Variants in TRPM2 observed in about 807,000 individuals in gnomAD.
TRPM2 encodes the protein estrogen-responsive element-associated gene 1 protein.
Under a neutral mutation model 174.0 loss-of-function variants are expected in TRPM2, and 161 were observed. The observed-to-expected ratio is 0.93, with a 90% CI of 0.81 to 1.05. The LOEUF (loss-of-function observed/expected upper bound fraction) is 1.05. Ranked by LOEUF, TRPM2 falls within the 50% of genes least tolerant of loss-of-function variation. The probability of loss-of-function intolerance (pLI) is 0.00; values close to 1 mark genes in which losing one functional copy is unlikely to be tolerated. For missense variants in TRPM2, 2,057 were observed against 2,038.0 expected, an observed-to-expected ratio of 1.01 and a Z score of -0.18; for synonymous variants, 954 against 861.3, an observed-to-expected ratio of 1.11 and a Z score of -1.88.
chr21:44,362,455 TG>T (rs2048242084), intron 2 of TRPM2, among the ~76,000 whole-genome samples: 1 of 148,994 alleles, frequency 6.7e-6, no homozygotes, highest in Admixed American at 6.7e-5. Flanking sequence ...GAGCTTGCAG[TG>T]AGCAAAGATC....
intron 27 of TRPM2, among the ~76,000 whole-genome samples, chr21:44,433,452 C>T (rs1371949706): frequency 2.0e-5 from 3 of 152,202 alleles, no homozygotes; most frequent in African/African-American, 7.2e-5. Context: ...CGAATTTGTC[C>T]GTGGCCTTGG....
intron 15 of TRPM2, 118 bp from the exon 16 acceptor site, chr21:44,401,563 T>C: frequency 2.0e-6 from 2 of 1,024,452 alleles, no homozygotes; most frequent in Admixed American, 2.1e-5. Flanking sequence ...TGAGTGCTTT[T>C]GCCTCTAAAA....
At chr21:44,433,995 G>T (rs998083022) in intron 27 of TRPM2, among the ~76,000 whole-genome samples, 4 of 152,166 alleles carry the variant, frequency 2.6e-5, no homozygotes, top group Non-Finnish European at 4.4e-5. Flanking sequence ...GGACGGTAGC[G>T]CAGGCCTGGC....
intron 8 of TRPM2, among the ~76,000 whole-genome samples, chr21:44,382,506 A>G (rs911876586): frequency 2.0e-5 from 3 of 152,054 alleles, no homozygotes; most frequent in Admixed American, 6.5e-5. Flanking sequence ...TGTGTTTTCC[A>G]CCCAACAGAC....
At position 44,397,810 on chromosome 21, in the gene TRPM2, G is replaced by A. The variant is rs937140515; in HGVS notation, c.1996G>A (p.Glu666Lys). ...SKILKELSKE[E>K]EDTDSSEEML... ...GATCCTGAAGGAACTGTCCAAGGAG[G>A]AGGAGGACACGGACAGCTCGGAGGA... The change falls in exon 13 of 32, where the codon GAG (glutamate) becomes AAG (lysine). Residue 666 changes from glutamate (E) to lysine (K), a missense_variant. Physicochemically the swap from Glu to Lys is moderately conservative, Grantham distance 56. Coordinates refer to ENST00000397928, the MANE Select transcript of TRPM2 (RefSeq NM_003307.4). The A allele has an allele frequency of 1.2e-6, 2 of 1,608,592 alleles. No individual in the cohort carries two copies. The highest frequency in any genetic ancestry group is 1.7e-4 in the Middle Eastern group (1 of 6,040).
chr21:44,414,299 C>T (rs1354494988), intron 20 of TRPM2, among the ~76,000 whole-genome samples: 1 of 152,212 alleles, frequency 6.6e-6, no homozygotes, highest in Non-Finnish European at 1.5e-5. Flanking sequence ...GTGGGTCTGT[C>T]CTTGTGGCTG....
chr21:44,369,176 G>A lies in TRPM2; in HGVS notation c.605-1G>A, dbSNP rs1292416135. Reference sequence around the variant, plus strand: ...CCTGCCCACCCGTGCTCCTTCCCCAGGGGCCTGGATCATCACAGGGGGGTC... The same window carrying A: ...CCTGCCCACCCGTGCTCCTTCCCCAAGGGCCTGGATCATCACAGGGGGGTC... On this transcript the variant is annotated splice_acceptor_variant, in intron 4 of 31. Transcript: ENST00000397928. LOFTEE classifies it high-confidence loss of function. The A allele has an allele frequency of 2.5e-6, 4 of 1,602,036 alleles. No individual in the cohort carries two copies. The Admixed American group carries it at 5.1e-5, about 20-fold the overall frequency.
At chr21:44,437,215 T>C (rs1424507532) in intron 29 of TRPM2, 48 bp downstream of exon 29, 1 of 1,494,706 alleles carries the variant, frequency 6.7e-7, no homozygotes, top group South Asian at 1.2e-5. Context: ...TGTCTGTGGG[T>C]CACTCGTCCA....
intron 25 of TRPM2, among the ~76,000 whole-genome samples, chr21:44,426,076 G>A (rs902362732): frequency 6.6e-6 from 1 of 152,152 alleles, no homozygotes; most frequent in African/African-American, 2.4e-5. Flanking sequence ...CACAGAGCTC[G>A]AGGCTTAGGC....
At chr21:44,394,509 T>C (rs550321066) in intron 11 of TRPM2, among the ~76,000 whole-genome samples, 107 of 151,724 alleles carry the variant, frequency 7.1e-4, no homozygotes, top group Non-Finnish European at 1.3e-3. Context: ...TTAGTAGAGA[T>C]GGGGTTTCAC....
At chr21:44,435,944 A>G (rs1390963538) in intron 28 of TRPM2, among the ~76,000 whole-genome samples, 1 of 129,292 alleles carries the variant, frequency 7.7e-6, no homozygotes, top group Non-Finnish European at 1.6e-5. Flanking sequence ...ACAGCCCCAC[A>G]CTCACCCCTC....
chr21:44,351,013 C>A (rs2047919363), upstream of TRPM2, among the ~76,000 whole-genome samples: 3 of 152,196 alleles, frequency 2.0e-5, no homozygotes, highest in African/African-American at 2.4e-5. Flanking sequence ...GCCCGAGCAA[C>A]CTCCAGAGAG....
Position 44,391,435 on chromosome 21 carries a change from A to G in TRPM2, c.1604A>G (p.Lys535Arg). The G allele has an allele frequency of 6.2e-7, 1 of 1,613,996 alleles. No homozygotes were observed. Among genetic ancestry groups the G allele is most frequent in the Non-Finnish European group, 8.5e-7 (1 of 1,180,040 alleles). Residue 535 changes from lysine (K) to arginine (R), a missense_variant, in exon 11 of 32, where the codon AAG becomes AGG. Transcript: ENST00000397928. The surrounding 1 kb of genome is among the most constrained non-coding windows in gnomAD (Gnocchi z 5.0). ...GACCCCTCCTGCCTGTTCCACAGCA[A>G]GCTGCAGAAGGTGCTGGTGGAGGAT... The part of the protein sequence containing the change: ...NLDPSCLFHS[K>R]LQKVLVEDPE...
In TRPM2 at chr21:44,353,842, T is replaced by C. The variant is rs2047979146; in HGVS notation, c.142T>C (p.Cys48Arg). ...SSLFKSWRLQ[C>R]PFGNNDKQES... ...CCTCTTCAAGAGCTGGAGGCTACAG[T>C]GCCCCTTCGGCAACAATGACAAGGT... The change falls in exon 1 of 32, where the codon TGC (cysteine) becomes CGC (arginine). Residue 48 changes from cysteine (C) to arginine (R), a missense_variant. By Grantham distance (180) the Cys-to-Arg change is radical. Transcript: ENST00000397928. The C allele has an allele frequency of 6.2e-7, 1 of 1,600,370 alleles. No homozygotes were observed. The highest frequency in any genetic ancestry group is 1.4e-5 in the African/African-American group (1 of 73,960).
upstream of TRPM2, among the ~76,000 whole-genome samples, chr21:44,350,986 C>A (rs2122996506): frequency 6.6e-5 from 10 of 152,270 alleles, no homozygotes; most frequent in African/African-American, 2.4e-4. Flanking sequence ...GGCTTTCACG[C>A]GGGGATTTCA....
At position 44,424,881 on chromosome 21, in the gene TRPM2, G is replaced by A. The variant is rs1480502448; in HGVS notation, c.3579G>A (p.Trp1193Ter). The change falls in exon 24 of 32, where the codon TGG (tryptophan) becomes TGA (stop). Residue 1193 changes from tryptophan (W) to a stop codon, truncating the protein, a stop_gained. Transcript: ENST00000397928. LOFTEE classifies it high-confidence loss of function. ...CCCAGACAGCCCAAGCCCTGCACTG[G>A]ATCGTGAGGACGCTGCGGGCCAGCG... ...QVAQTAQALH[W>*]IVRTLRASGF... 2 of 1,608,196 alleles carry A rather than the reference G, an allele frequency of 1.2e-6. No homozygotes were observed. Among genetic ancestry groups the A allele is most frequent in the Non-Finnish European group, 1.7e-6 (2 of 1,178,406 alleles).
At position 44,390,991 on chromosome 21, in the gene TRPM2, G is replaced by T. The variant is rs745524892; in HGVS notation, c.1406G>T (p.Arg469Leu). 1 of 1,614,084 alleles carries T rather than the reference G, an allele frequency of 6.2e-7. No homozygotes were observed. Among genetic ancestry groups the T allele is most frequent in the Non-Finnish European group, 8.5e-7 (1 of 1,180,028 alleles). Reference sequence around the variant, plus strand: ...GCATGGAATCGCGTGGACATTGCCCGCAGTGAGATCTTCATGGATGAGTGG... The same window carrying T: ...GCATGGAATCGCGTGGACATTGCCCTCAGTGAGATCTTCATGGATGAGTGG... The part of the protein sequence containing the change: ...AVAWNRVDIA[R>L]SEIFMDEWQW... The change falls in exon 10 of 32, where the codon CGC becomes CTC. Residue 469 changes from arginine to leucine, a missense_variant. Transcript: ENST00000397928.
rs572175800 is a variant in TRPM2, at chr21:44,395,664, CTGTGGAGGGG to C, written c.1932+133_1932+142del. On this transcript the variant is annotated intron_variant, in intron 12 of 31. Coordinates refer to ENST00000397928, the MANE Select transcript of TRPM2 (RefSeq NM_003307.4). ...GCCTGAGGCCAAGTGCACGTGGAGG[CTGTGGAGGGG>C]TGTGGAGGGGTGTGGAGGGCTGTGG... is the stretch of plus-strand genomic sequence containing the variant. The C allele has an allele frequency of 3.2e-3, 3,790 of 1,188,512 alleles. 193 individuals are homozygous for C. Among genetic ancestry groups the C allele is most frequent in the Admixed American group, 3.7e-3 (158 of 43,022 alleles). The allele number at this position is 1,188,512 out of a possible 1,614,324, so 73.6% of individuals were successfully genotyped here. A position where few individuals can be genotyped will look rare whatever the true frequency, so the allele number is the denominator to read the frequency against.
intron 11 of TRPM2, among the ~76,000 whole-genome samples, chr21:44,393,974 T>C (rs1438861125): frequency 6.6e-6 from 1 of 151,734 alleles, no homozygotes; most frequent in Non-Finnish European, 1.5e-5. Context: ...CTGGGTTCAA[T>C]TGAGTCTCTT....
Sources: allele counts gnomAD v4.1 joint callset (sites outside exome capture counted in the v4.1 genomes callset), GRCh38; gene constraint gnomAD v4.1.1; non-coding constraint Gnocchi (gnomAD v3.1); transcripts MANE v1.5; gene names NCBI Gene and HGNC (gene_info 2026-07-23, HGNC 2026-07-21).